AUTS2: variants seen among roughly 807,000 people sequenced by gnomAD.
AUTS2 encodes autism susceptibility gene 2 protein.
AUTS2 carries 17 observed loss-of-function variants against 112.4 expected under a neutral mutation model. That is an observed-to-expected ratio of 0.15 (90% CI 0.10 to 0.23). The LOEUF (loss-of-function observed/expected upper bound fraction) is 0.23. Among genes scored for constraint, AUTS2 ranks in the 10% least tolerant of loss-of-function variants. The pLI, the probability that AUTS2 is intolerant of heterozygous loss-of-function variation, is 1.00. For synonymous variants in AUTS2, 751 were observed against 702.7 expected, an observed-to-expected ratio of 1.07 and a Z score of -1.09; for missense variants, 1,510 against 1,701.6, an observed-to-expected ratio of 0.89 and a Z score of 1.98.
intron 2 of AUTS2, among the ~76,000 whole-genome samples, chr7:70,101,718 G>A (rs1804506101): frequency 6.6e-6 from 1 of 151,728 alleles, no homozygotes; most frequent in South Asian, 2.1e-4. Context: ...AAAAATTAAA[G>A]AAATAAAAAT....
chr7:69,730,159 A>G (rs564130248), intron 1 of AUTS2, among the ~76,000 whole-genome samples: 1 of 150,820 alleles, frequency 6.6e-6, no homozygotes, highest in Admixed American at 6.6e-5. Flanking sequence ...ACTCTTTGTG[A>G]TATTTGTCAT....
intron 4 of AUTS2, among the ~76,000 whole-genome samples, chr7:70,372,913 G>A (rs1373801556): frequency 6.6e-6 from 1 of 152,082 alleles, no homozygotes; most frequent in Non-Finnish European, 1.5e-5. Flanking sequence ...GCGAGGGTCT[G>A]CTGATGAAAG....
At chr7:69,716,261 T>C (rs1798607472) in intron 1 of AUTS2, among the ~76,000 whole-genome samples, 1 of 151,980 alleles carries the variant, frequency 6.6e-6, no homozygotes, top group Admixed American at 6.6e-5. Context: ...TGTGTGTGTG[T>C]ATAAGTTCAG....
intron 4 of AUTS2, among the ~76,000 whole-genome samples, chr7:70,256,671 C>G (rs78721709): frequency 1.3e-5 from 2 of 152,140 alleles, no homozygotes; most frequent in African/African-American, 4.8e-5. Flanking sequence ...TCTTAGGGCT[C>G]GCATTTTTAG....
Position 70,790,189 on chromosome 7 carries a change from C to A in AUTS2, c.2973C>A (p.Asp991Glu). Residue 991 changes from aspartate to glutamate, a missense_variant, in exon 19 of 19, where the codon GAC (aspartate) becomes GAA (glutamate). This residue lies in a region of AUTS2 where 788 missense variants were observed against 797.6 expected (regional missense o/e 0.99). Transcript: ENST00000342771. The surrounding 1 kb of genome is among the most constrained non-coding windows in gnomAD (Gnocchi z 7.6). ...AGGAGGAGCGGAAGGAAGACCATGA[C>A]CTGCCTCCAGAGGCCCCGCAGACCC... ...KVKEERKEDH[D>E]LPPEAPQTHR... is the part of the protein sequence containing the mutation. The A allele has an allele frequency of 6.2e-7, 1 of 1,612,612 alleles. No individual in the cohort carries two copies.
At chr7:70,074,811 C>T (rs777269861) in intron 2 of AUTS2, among the ~76,000 whole-genome samples, 1 of 152,128 alleles carries the variant, frequency 6.6e-6, no homozygotes, top group Non-Finnish European at 1.5e-5. Context: ...CCATGACCTG[C>T]CTTAAGTAGG....
chr7:70,156,480 A>T (rs774875032), intron 4 of AUTS2, among the ~76,000 whole-genome samples: 3 of 152,138 alleles, frequency 2.0e-5, no homozygotes, highest in Non-Finnish European at 4.4e-5. Context: ...CTGAGCTCAG[A>T]GGCAACCCAA....
intron 5 of AUTS2, among the ~76,000 whole-genome samples, chr7:70,612,103 C>G (rs1417229078): frequency 6.6e-6 from 1 of 152,296 alleles, no homozygotes; most frequent in Non-Finnish European, 1.5e-5. Flanking sequence ...AACACGGGAA[C>G]AAATGACCCC....
intron 5 of AUTS2, among the ~76,000 whole-genome samples, chr7:70,470,977 A>G (rs1328917452): frequency 2.0e-5 from 3 of 152,154 alleles, no homozygotes; most frequent in Non-Finnish European, 4.4e-5. Flanking sequence ...TGGAAATAAT[A>G]TAAGGAGATC....
At position 70,353,630 on chromosome 7, in the gene AUTS2, G is replaced by T. The variant is rs138042680; in HGVS notation, c.661-82122G>T. 2.3e-3 allele frequency among the ~76,000 whole-genome samples: 357 copies of T among 152,216 alleles called. 8 individuals are homozygous for T. Among genetic ancestry groups the T allele is most frequent in the Admixed American group, 0.022 (330 of 15,296 alleles). ...CCCCATTACCCACTGTTCATAAAGG[G>T]TCTGTAAATTATTTAAGAGAAGGAA... On this transcript the variant is annotated intron_variant, in intron 4 of 18. Coordinates refer to ENST00000342771, the MANE Select transcript of AUTS2 (RefSeq NM_015570.4).
intron 4 of AUTS2, among the ~76,000 whole-genome samples, chr7:70,389,137 C>CT (rs1354433764): frequency 1.4e-4 from 22 of 152,268 alleles, no homozygotes; most frequent in African/African-American, 4.8e-4. Flanking sequence ...CCTGCATAAT[C>CT]TAAGTTTTGA....
intron 5 of AUTS2, among the ~76,000 whole-genome samples, chr7:70,686,255 G>T (rs188555178): frequency 1.3e-4 from 20 of 152,318 alleles, no homozygotes; most frequent in African/African-American, 4.1e-4. Flanking sequence ...ATGAAGGTAA[G>T]TTGCTGTTCC....
intron 6 of AUTS2, among the ~76,000 whole-genome samples, chr7:70,747,631 G>GT (rs535909460): frequency 6.6e-6 from 1 of 151,570 alleles, no homozygotes; most frequent in Non-Finnish European, 1.5e-5. Flanking sequence ...GCTATGTTTT[G>GT]TTTTGTTTTT....
At chr7:70,263,391 A>G (rs556459511) in intron 4 of AUTS2, among the ~76,000 whole-genome samples, 2 of 152,274 alleles carry the variant, frequency 1.3e-5, no homozygotes, top group African/African-American at 2.4e-5. Context: ...TTTTAAAGTA[A>G]ACTTAAATAG....
chr7:69,781,032 GA>G (rs1337956078), intron 1 of AUTS2, among the ~76,000 whole-genome samples: 1 of 152,162 alleles, frequency 6.6e-6, no homozygotes, highest in Non-Finnish European at 1.5e-5. Flanking sequence ...TATTGATGGG[GA>G]AACTGAGATC....
intron 1 of AUTS2, among the ~76,000 whole-genome samples, chr7:69,774,763 T>C (rs575552647): frequency 6.6e-6 from 1 of 152,326 alleles, no homozygotes; most frequent in South Asian, 2.1e-4. Context: ...TATACTTCAG[T>C]AAAGTTGATT....
chr7:69,929,230 G>A (rs1455154700), intron 2 of AUTS2, among the ~76,000 whole-genome samples: 4 of 151,832 alleles, frequency 2.6e-5, no homozygotes, highest in African/African-American at 9.7e-5. Flanking sequence ...GACAAAATTT[G>A]TGTCACTCTT....
rs141174538 is a variant in AUTS2 at position 70,625,694 on chromosome 7, G to A, written c.691-72875G>A. Among the ~76,000 whole-genome samples, 15 of 152,234 alleles carry A rather than the reference G, an allele frequency of 9.9e-5. No homozygotes were observed. The East Asian group carries it at 2.9e-3, about 29-fold the overall frequency. On this transcript the variant is annotated intron_variant, in intron 5 of 18. Coordinates refer to ENST00000342771, the MANE Select transcript of AUTS2 (RefSeq NM_015570.4). ...CCGTCATGCCCCTCTATACAAACAT[G>A]TAACAGTAGACTCTGGTTCATCAGG...
chr7:70,648,552 CAG>C (rs1198808885), intron 5 of AUTS2, among the ~76,000 whole-genome samples: 4 of 152,066 alleles, frequency 2.6e-5, no homozygotes, highest in African/African-American at 7.2e-5. Flanking sequence ...AAAAACAAAA[CAG>C]AATTTGTTTT....
Sources: gnomAD v4.1 joint callset for allele counts (sites outside exome capture counted in the v4.1 genomes callset) on GRCh38, gnomAD v4.1.1 for gene constraint, gnomAD v4.1.1 regional missense constraint, Gnocchi (gnomAD v3.1) non-coding constraint, MANE v1.5 for transcripts, NCBI Gene and HGNC (gene_info 2026-07-23, HGNC 2026-07-21) for gene names.